The following PRMT8 variants were observed in gnomAD, a reference collection of about 807,000 sequenced individuals.
The protein encoded by PRMT8 is protein arginine methyltransferase 8.
A neutral mutation model predicts 47.1 loss-of-function variants in PRMT8; 7 were observed. The ratio of observed to expected loss-of-function variants is 0.15; its 90% confidence interval spans 0.08 to 0.28. PRMT8 has a LOEUF of 0.28. Among genes scored for constraint, PRMT8 ranks in the 10% least tolerant of loss-of-function variants. The pLI is 1.00. For synonymous variants in PRMT8, 188 were observed against 186.5 expected (o/e 1.01, Z -0.07); for missense variants, 237 against 505.4 (o/e 0.47, Z 5.09).
chr12:3,493,040 C>G lies in PRMT8; in HGVS notation c.75+1340C>G, dbSNP rs1865447493. ...TAAAACCCCTACCCCACGGCGTAGGCAGCAAAGCTTTATAAATCCCCCTTC... is the reference window on the plus strand; with the variant it reads ...TAAAACCCCTACCCCACGGCGTAGGGAGCAAAGCTTTATAAATCCCCCTTC... On this transcript the variant is annotated intron_variant, in intron 1 of 9. Coordinates refer to ENST00000382622, the MANE Select transcript of PRMT8 (RefSeq NM_019854.5). This position sits in a 1 kb window ranked among gnomAD's most constrained non-coding sequence, Gnocchi z 8.2. Among the ~76,000 whole-genome samples, 1 of 152,174 alleles carries G rather than the reference C, an allele frequency of 6.6e-6. No individual in the cohort carries two copies. Among genetic ancestry groups the G allele is most frequent in the South Asian group, 2.1e-4 (1 of 4,822 alleles).
At chr12:3,461,855 G>A (rs919903683) in intron 1 of PRMT8, among the ~76,000 whole-genome samples, 1 of 152,052 alleles carries the variant, frequency 6.6e-6, no homozygotes, top group Admixed American at 6.5e-5. Flanking sequence ...GCTTCCTACA[G>A]CCTTTGTTAC....
Position 3,550,459 on chromosome 12 carries a change from C to G in PRMT8, c.417+368C>G, listed in dbSNP as rs545208113. 6.4e-5 allele frequency: 15 copies of G among 235,074 alleles called. No homozygotes were observed. Among genetic ancestry groups the G allele is most frequent in the Admixed American group, 1.9e-4 (4 of 21,176 alleles). 14.6% of individuals were successfully genotyped at this position (235,074 alleles called of 1,614,324 possible). ...CATTTCCATTCACTAGGCATGTGAC[C>G]TTGGACTATTCACTTCCCTGCACCT... On this transcript the variant is annotated intron_variant, in intron 3 of 9. Transcript: ENST00000382622. The surrounding 1 kb of genome is among the most constrained non-coding windows in gnomAD (Gnocchi z 5.1).
At chr12:3,537,502 T>C (rs555799528) in intron 1 of PRMT8, among the ~76,000 whole-genome samples, 1 of 152,370 alleles carries the variant, frequency 6.6e-6, no homozygotes, top group South Asian at 2.1e-4. Context: ...TGATATTTAT[T>C]GTCTGGAACT....
At chr12:3,589,626 C>T (rs1360950879) in intron 8 of PRMT8, among the ~76,000 whole-genome samples, 1 of 152,162 alleles carries the variant, frequency 6.6e-6, no homozygotes, top group Non-Finnish European at 1.5e-5. Flanking sequence ...GATGGAGAAT[C>T]AGGATTGGGA....
chr12:3,429,535 A>C (rs1404379249), intron 1 of PRMT8, among the ~76,000 whole-genome samples: 1 of 152,232 alleles, frequency 6.6e-6, no homozygotes, highest in Non-Finnish European at 1.5e-5. Flanking sequence ...AATCTGAACC[A>C]AAACCATCAG....
chr12:3,429,974 T>C (rs1387685960), intron 1 of PRMT8, among the ~76,000 whole-genome samples: 1 of 152,162 alleles, frequency 6.6e-6, no homozygotes. Context: ...AACCAAGAAA[T>C]GTAGCAGGAT....
intron 8 of PRMT8, among the ~76,000 whole-genome samples, chr12:3,585,205 T>G (rs1172564975): frequency 6.6e-6 from 1 of 152,044 alleles, no homozygotes; most frequent in Non-Finnish European, 1.5e-5. Flanking sequence ...TCCTATTGAG[T>G]CTTCCTGGGA....
intron 1 of PRMT8, among the ~76,000 whole-genome samples, chr12:3,398,490 C>T (rs1000930575): frequency 6.6e-6 from 1 of 152,236 alleles, no homozygotes; most frequent in Non-Finnish European, 1.5e-5. Context: ...TCATACTTCA[C>T]AGAAGCCTTT....
intron 1 of PRMT8, among the ~76,000 whole-genome samples, chr12:3,443,297 A>C (rs768035677): frequency 1.9e-4 from 29 of 152,174 alleles, no homozygotes; most frequent in Non-Finnish European, 1.9e-4. Context: ...TAATAACCAA[A>C]TTCACTATGT....
At chr12:3,491,088 C>T (rs1035846830), upstream of PRMT8, 52 of 880,564 alleles carry the variant, frequency 5.9e-5, no homozygotes, top group Non-Finnish European at 6.5e-5. Context: ...GGGGCGGGCC[C>T]GGGGGCGCTG....
intron 1 of PRMT8, among the ~76,000 whole-genome samples, chr12:3,454,029 T>A (rs1475797717): frequency 1.3e-5 from 2 of 152,138 alleles, no homozygotes; most frequent in African/African-American, 2.4e-5. Context: ...GGCACAGCAA[T>A]GCGGGCGTCA....
At chr12:3,541,001 G>T (rs1866218578) in intron 2 of PRMT8, among the ~76,000 whole-genome samples, 1 of 152,176 alleles carries the variant, frequency 6.6e-6, no homozygotes, top group South Asian at 2.1e-4. Context: ...GAAAGTGTGT[G>T]TCTGTATACT....
Position 3,557,683 on chromosome 12 carries a change from G to A in PRMT8, c.481+3969G>A, listed in dbSNP as rs780887027. Among the ~76,000 whole-genome samples the A allele has an allele frequency of 1.1e-4, 16 of 152,162 alleles. No homozygotes were observed. The highest frequency in any genetic ancestry group is 2.2e-4 in the Non-Finnish European group (15 of 68,022). On this transcript the variant is annotated intron_variant, in intron 4 of 9. Coordinates refer to ENST00000382622, the MANE Select transcript of PRMT8 (RefSeq NM_019854.5). This position sits in a 1 kb window ranked among gnomAD's most constrained non-coding sequence, Gnocchi z 4.7. Reference sequence around the variant, plus strand: ...CTCCTTCTCCCCAACCTGTGAAATAGGGCAGATGGTTTTCCCCATTAACAG... The same window carrying A: ...CTCCTTCTCCCCAACCTGTGAAATAAGGCAGATGGTTTTCCCCATTAACAG...
chr12:3,406,620 A>G (rs1864375155), intron 1 of PRMT8, among the ~76,000 whole-genome samples: 1 of 152,208 alleles, frequency 6.6e-6, no homozygotes, highest in Non-Finnish European at 1.5e-5. Context: ...CTTTGCTAAA[A>G]TGTAACAAGA....
chr12:3,381,539 C>G, intron 1 of PRMT8: 1 of 1,218,050 alleles, frequency 8.2e-7, no homozygotes, highest in South Asian at 1.3e-5. Context: ...GGCTTTTTTC[C>G]TCTTTGTCAT....
In PRMT8 at chr12:3,539,080, T is replaced by C. The variant is rs147266410; in HGVS notation, c.76-1526T>C. 5.1e-3 allele frequency among the ~76,000 whole-genome samples: 781 copies of C among 152,302 alleles called. 9 individuals carry two copies. Among genetic ancestry groups the C allele is most frequent in the African/African-American group, 0.018 (742 of 41,556 alleles). On this transcript the variant is annotated intron_variant, in intron 1 of 9. Transcript: ENST00000382622. Reference sequence around the variant, plus strand: ...TGCTGTGTCCTAGGATTCCCCTGTTTCTCTTGCTAGAAAGGAGACAGTAAG... The same window carrying C: ...TGCTGTGTCCTAGGATTCCCCTGTTCCTCTTGCTAGAAAGGAGACAGTAAG...
chr12:3,441,060 A>T (rs1436228544), intron 1 of PRMT8, among the ~76,000 whole-genome samples: 1 of 152,172 alleles, frequency 6.6e-6, no homozygotes, highest in Non-Finnish European at 1.5e-5. Context: ...TTTTGAATTG[A>T]TTATCAAAAG....
intron 1 of PRMT8, among the ~76,000 whole-genome samples, chr12:3,510,426 C>G (rs1865694008): frequency 6.6e-6 from 1 of 152,160 alleles, no homozygotes; most frequent in Non-Finnish European, 1.5e-5. Context: ...GTTCCCAACA[C>G]AAAGCAATGA....
At chr12:3,591,711 G>C (rs1867310409) in intron 8 of PRMT8, among the ~76,000 whole-genome samples, 2 of 152,130 alleles carry the variant, frequency 1.3e-5, no homozygotes. Context: ...AAAGCTAGTT[G>C]TAAGATTGAG....
Sources: allele counts gnomAD v4.1 joint callset (sites outside exome capture counted in the v4.1 genomes callset), GRCh38; gene constraint gnomAD v4.1.1; non-coding constraint Gnocchi (gnomAD v3.1); transcripts MANE v1.5; gene names NCBI Gene and HGNC (gene_info 2026-07-23, HGNC 2026-07-21).